The following IL13RA2 variants were observed in gnomAD, a reference collection of about 807,000 sequenced individuals.
IL13RA2 encodes the protein interleukin-13 receptor subunit alpha-2.
In IL13RA2, 25 loss-of-function variants were observed where a neutral mutation model predicts 34.1. The observed-to-expected ratio is 0.73, with a 90% CI of 0.53 to 1.03. The LOEUF is 1.03. Among genes scored for constraint, IL13RA2 ranks in the 50% least tolerant of loss-of-function variants. The pLI is 0.00. For synonymous variants in IL13RA2, 106 were observed against 100.4 expected (o/e 1.06, Z -0.33); for missense variants, 297 against 280.9 (o/e 1.06, Z -0.41).
chrX:115,009,492 A>T, intron 7 of IL13RA2, 29 bp downstream of exon 7: 1 of 1,150,920 alleles, frequency 8.7e-7, no homozygotes, highest in Non-Finnish European at 1.2e-6. Flanking sequence ...TGTAGTTATG[A>T]TTTTCCCAAA....
chrX:115,008,808 A>T (rs1269764127), intron 7 of IL13RA2, among the ~76,000 whole-genome samples: 1 of 112,056 alleles, frequency 8.9e-6, no homozygotes, highest in East Asian at 2.8e-4. Context: ...TTAGGAATCA[A>T]CATAATGTAG....
intron 7 of IL13RA2, among the ~76,000 whole-genome samples, chrX:115,009,206 G>GT (rs56752159): frequency 0.13 from 13,710 of 102,680 alleles, 740 homozygotes; most frequent in Middle Eastern, 0.16. Context: ...GTCTTTGTGG[G>GT]TTTTTTTTTT....
At chrX:115,010,225 C>T (rs2071700844) in intron 6 of IL13RA2, among the ~76,000 whole-genome samples, 1 of 110,991 alleles carries the variant, frequency 9.0e-6, no homozygotes, top group African/African-American at 3.3e-5. Context: ...GACTCTAGAA[C>T]CCATCACTCT....
chrX:115,016,540 ATCTG>A (rs782475125), intron 2 of IL13RA2, among the ~76,000 whole-genome samples: 11 of 108,232 alleles, frequency 1.0e-4, no homozygotes, highest in African/African-American at 3.3e-4. Context: ...TATTACAAAA[ATCTG>A]TCTAACAATA....
chrX:115,015,989 C>A (rs1276263593), intron 2 of IL13RA2, among the ~76,000 whole-genome samples, 168 bp from the exon 3 acceptor site: 1 of 111,982 alleles, frequency 8.9e-6, no homozygotes, highest in Non-Finnish European at 1.9e-5. Context: ...AGTACTGATT[C>A]ATGCTACAAC....
chrX:115,010,627 T>C lies in IL13RA2; in HGVS notation c.706+17A>G. 1 of 716,801 alleles carries C rather than the reference T, an allele frequency of 1.4e-6. No homozygotes were observed. The highest frequency in any genetic ancestry group is 2.1e-6 in the Non-Finnish European group (1 of 487,630). 59.1% of individuals were successfully genotyped at this position (716,801 alleles called of 1,213,427 possible). A position where few individuals can be genotyped will look rare whatever the true frequency, so the allele number is the denominator to read the frequency against. ...CTAGAAACAATGAATTTGAAGTTGTTTGTTGGTTTACATCACCTATATTTT... is the reference window on the plus strand; with the variant it reads ...CTAGAAACAATGAATTTGAAGTTGTCTGTTGGTTTACATCACCTATATTTT... On this transcript the variant is annotated intron_variant, in intron 6 of 9. Transcript: ENST00000243213.
At position 115,007,632 on chromosome X, in the gene IL13RA2, A is replaced by G. The variant is rs74755248; in HGVS notation, c.997+300T>C. On this transcript the variant is annotated intron_variant, in intron 8 of 9. Coordinates refer to ENST00000243213, the MANE Select transcript of IL13RA2 (RefSeq NM_000640.3). ...CTGTTCTCTTGAATACTGAAAGCAT[A>G]TGAAAATATTGATTAAAATAAGTTC... Among the ~76,000 whole-genome samples the G allele has an allele frequency of 1.6e-4, 18 of 112,095 alleles. No homozygotes were observed. In the East Asian group the frequency reaches 5.1e-3, roughly 32 times the overall value.
chrX:115,010,537 G>C, intron 6 of IL13RA2, 107 bp downstream of exon 6: 1 of 432,888 alleles, frequency 2.3e-6, no homozygotes, highest in Non-Finnish European at 4.0e-6. Flanking sequence ...CTCTGTCTAT[G>C]TCTCTCTCTC....
intron 8 of IL13RA2, among the ~76,000 whole-genome samples, chrX:115,007,052 G>A (rs5987839): frequency 0.28 from 30,537 of 111,000 alleles, 5,021 homozygotes; most frequent in African/African-American, 0.63. Context: ...GAAATAAAAT[G>A]TAAGTTCACT....
rs1157870856 is a variant in IL13RA2, at chrX:115,009,536, A to T, written c.837T>A (p.Asp279Glu). 1 of 1,193,159 alleles carries T rather than the reference A, an allele frequency of 8.4e-7. No individual in the cohort carries two copies. Among genetic ancestry groups the T allele is most frequent in the East Asian group, 3.0e-5 (1 of 33,688 alleles). Residue 279 changes from aspartate (D) to glutamate (E), a missense_variant, in exon 7 of 10, where the codon GAT becomes GAA. Transcript: ENST00000243213. ...ATATTCATACCACCAAGGTAGTATC[A>T]TCTTCTCTGATCTCAATTTCATAAT... is the stretch of plus-strand genomic sequence containing the variant. ...CFDYEIEIREDDTTLVTATVE... is the reference protein window; with the variant it reads ...CFDYEIEIREEDTTLVTATVE...
At chrX:115,017,064 A>G in intron 2 of IL13RA2, 112 bp downstream of exon 2, 1 of 484,002 alleles carries the variant, frequency 2.1e-6, no homozygotes, top group Admixed American at 3.5e-5. Context: ...TTCATCTACT[A>G]GTTAGTTATG....
At chrX:115,012,629 G>A (rs1602975990) in intron 5 of IL13RA2, among the ~76,000 whole-genome samples, 1 of 111,093 alleles carries the variant, frequency 9.0e-6, no homozygotes, top group African/African-American at 3.3e-5. Context: ...GCCAGGTGTG[G>A]TGGCACACGC....
chrX:115,013,441 G>T (rs1015063538), intron 5 of IL13RA2, among the ~76,000 whole-genome samples: 90 of 111,297 alleles, frequency 8.1e-4, no homozygotes, highest in African/African-American at 2.5e-3. Context: ...CAGTTTAATA[G>T]ATAACTGATT....
chrX:115,009,283 T>C (rs2071696707), intron 7 of IL13RA2, among the ~76,000 whole-genome samples: 2 of 110,939 alleles, frequency 1.8e-5, no homozygotes. Flanking sequence ...AACTTTAATT[T>C]ATTGACACAA....
chrX:115,017,169 C>A lies in IL13RA2; in HGVS notation c.94+7G>T. 2.8e-6 allele frequency: 2 copies of A among 721,618 alleles called. No individual in the cohort carries two copies. The highest frequency in any genetic ancestry group is 2.4e-5 in the Admixed American group (1 of 42,378). The allele number at this position is 721,618 out of a possible 1,213,427, so 59.5% of individuals were successfully genotyped here. A position where few individuals can be genotyped will look rare whatever the true frequency, so the allele number is the denominator to read the frequency against. On this transcript the variant is annotated splice_region_variant and intron_variant, in intron 2 of 9. Coordinates refer to ENST00000243213, the MANE Select transcript of IL13RA2 (RefSeq NM_000640.3). ...ATTTAAAAACTATTCCATTAAAATC[C>A]ATTTACCTTTTATCTCGGTGTCTGA...
Position 115,014,467 on chromosome X carries a change from T to A in IL13RA2, c.354A>T (p.Glu118Asp). ...LLPWQCTNGS[E>D]VQSSWAETTY... is the part of the protein sequence containing the mutation. ...TAGTTTCTGCCCAGGAACTTTGAACTTCTGATCCATTTGTGCATTGCCATG... is the reference window on the plus strand; with the variant it reads ...TAGTTTCTGCCCAGGAACTTTGAACATCTGATCCATTTGTGCATTGCCATG... Residue 118 changes from glutamate (E) to aspartate (D), a missense_variant, in exon 4 of 10, where the codon GAA (glutamate) becomes GAT (aspartate). Physicochemically the swap from Glu to Asp is conservative, Grantham distance 45. Transcript: ENST00000243213. The A allele has an allele frequency of 8.4e-7, 1 of 1,194,425 alleles. No individual in the cohort carries two copies. Among genetic ancestry groups the A allele is most frequent in the Non-Finnish European group, 1.1e-6 (1 of 882,308 alleles).
chrX:115,009,567 C>T lies in IL13RA2; in HGVS notation c.806G>A (p.Cys269Tyr), dbSNP rs781997445. 2.5e-6 allele frequency: 3 copies of T among 1,195,508 alleles called. No homozygotes were observed. The South Asian group carries it at 5.3e-5, about 21-fold the overall frequency. Residue 269 changes from cysteine to tyrosine, a missense_variant, in exon 7 of 10, where the codon TGT (cysteine) becomes TAT (tyrosine). By Grantham distance (194) the Cys-to-Tyr change is radical. Coordinates refer to ENST00000243213, the MANE Select transcript of IL13RA2 (RefSeq NM_000640.3). ...SIPLGPIPAR[C>Y]FDYEIEIRED... ...TCTGATCTCAATTTCATAATCAAAA[C>T]ACCTTGCTGGAATAGGTCCCAAAGG... is the stretch of plus-strand genomic sequence containing the variant.
chrX:115,015,648 G>A lies in IL13RA2; in HGVS notation c.246+22C>T. The A allele has an allele frequency of 5.1e-6, 6 of 1,184,354 alleles. No homozygotes were observed. In the South Asian group the frequency reaches 8.9e-5, roughly 18 times the overall value. ...TAACACCTGATGATCACTCTGATAC[G>A]GCAAATGCATGCTTTACTTACCTTC... is the stretch of plus-strand genomic sequence containing the variant. On this transcript the variant is annotated intron_variant, in intron 3 of 9. Coordinates refer to ENST00000243213, the MANE Select transcript of IL13RA2 (RefSeq NM_000640.3).
chrX:115,015,794 A>G lies in IL13RA2; in HGVS notation c.122T>C (p.Val41Ala). 2 of 1,185,476 alleles carry G rather than the reference A, an allele frequency of 1.7e-6. No individual in the cohort carries two copies. The highest frequency in any genetic ancestry group is 2.3e-6 in the Non-Finnish European group (2 of 872,165). ...GAGATAACCTAAGTATCCGGGATCC[A>G]CTATCTCAAAATCCTGAGGAGGGTT... ...KVNPPQDFEI[V>A]DPGYLGYLYL... The change falls in exon 3 of 10, where the codon GTG becomes GCG. Residue 41 changes from valine to alanine, a missense_variant. By Grantham distance (64) the Val-to-Ala change is moderately conservative. Coordinates refer to ENST00000243213, the MANE Select transcript of IL13RA2 (RefSeq NM_000640.3).
Sources: allele counts gnomAD v4.1 joint callset (sites outside exome capture counted in the v4.1 genomes callset), GRCh38; gene constraint gnomAD v4.1.1; transcripts MANE v1.5; gene names NCBI Gene and HGNC (gene_info 2026-07-23, HGNC 2026-07-21).